MYBPC2: variants seen among roughly 807,000 people sequenced by gnomAD.
MYBPC2 encodes the protein myosin binding protein C2, also known as myosin-binding protein C, fast-type.
MYBPC2 carries 122 observed loss-of-function variants against 137.0 expected under a neutral mutation model. That is an observed-to-expected ratio of 0.89 (90% confidence interval 0.77 to 1.03). The LOEUF is 1.03. Among genes scored for constraint, MYBPC2 ranks in the 50% least tolerant of loss-of-function variants. The pLI is 0.00. For synonymous variants in MYBPC2, 626 were observed against 612.3 expected (o/e 1.02, Z -0.33); for missense variants, 1,500 against 1,534.4 (o/e 0.98, Z 0.37).
chr19:50,443,371 T>C (rs1438385820), intron 9 of MYBPC2, 123 bp from the exon 10 acceptor site: 1 of 1,227,330 alleles, frequency 8.1e-7, no homozygotes, highest in East Asian at 2.5e-5. Context: ...CCTCAATCCC[T>C]TTCCACACAA....
At position 50,455,291 on chromosome 19, in the gene MYBPC2, C is replaced by T; in HGVS notation, c.2198C>T (p.Pro733Leu). Residue 733 changes from proline (P) to leucine (L), a missense_variant, in exon 19 of 28, where the codon CCT becomes CTT. By Grantham distance (98) the Pro-to-Leu change is moderately conservative. Transcript: ENST00000357701. ...QPSMNTKPFM[P>L]IAPTSEPLHL... is the part of the protein sequence containing the mutation. ...AGCATGAACACCAAGCCTTTTATGC[C>T]TATTGGTAATGTCCTCCCTCACTTT... The T allele has an allele frequency of 6.2e-7, 1 of 1,612,948 alleles. No homozygotes were observed. The highest frequency in any genetic ancestry group is 8.5e-7 in the Non-Finnish European group (1 of 1,179,124).
chr19:50,443,587 TGAG>T lies in MYBPC2; in HGVS notation c.997_999del (p.Glu333del), dbSNP rs754480469. On this transcript the variant is annotated inframe_deletion, in exon 10 of 28. Transcript: ENST00000357701. ...CTGCCTATGAAGTAGCTGTCAAGGA[TGAG>T]AAGTGTTTCACCGAGCTCTTCGTCA... 5 of 1,613,058 alleles carry T rather than the reference TGAG, an allele frequency of 3.1e-6. No homozygotes were observed. The highest frequency in any genetic ancestry group is 4.2e-6 in the Non-Finnish European group (5 of 1,179,318).
Position 50,437,485 on chromosome 19 carries a change from A to T in MYBPC2, c.476A>T (p.Asp159Val), listed in dbSNP as rs2039714396. The T allele has an allele frequency of 2.5e-6, 4 of 1,610,952 alleles. No homozygotes were observed. Among genetic ancestry groups the T allele is most frequent in the Non-Finnish European group, 3.4e-6 (4 of 1,178,774 alleles). The change falls in exon 6 of 28, where the codon GAT becomes GTT. Residue 159 changes from aspartate to valine, a missense_variant. Asp to Val is a radical substitution (Grantham distance 152). Coordinates refer to ENST00000357701, the MANE Select transcript of MYBPC2 (RefSeq NM_004533.4). The stretch of plus-strand genomic sequence containing the variant: ...CACCTCTCCCCAGCACCCCGTCAGG[A>T]TGCCTCTGGGCAGAGTCTAGAAAGC... ...FNIDVEAPRQDASGQSLESFK... is the reference protein window; with the variant it reads ...FNIDVEAPRQVASGQSLESFK...
Position 50,443,595 on chromosome 19 carries a change from G to A in MYBPC2, c.1004G>A (p.Cys335Tyr), listed in dbSNP as rs1330620883. The change falls in exon 10 of 28, where the codon TGT becomes TAT. Residue 335 changes from cysteine (C) to tyrosine (Y), a missense_variant. Coordinates refer to ENST00000357701, the MANE Select transcript of MYBPC2 (RefSeq NM_004533.4). ...GAAGTAGCTGTCAAGGATGAGAAGT[G>A]TTTCACCGAGCTCTTCGTCAAAGGT... Reference protein sequence around the residue: ...AYEVAVKDEKCFTELFVKEPP... With the variant: ...AYEVAVKDEKYFTELFVKEPP... The A allele has an allele frequency of 6.2e-7, 1 of 1,613,474 alleles. No homozygotes were observed. The highest frequency in any genetic ancestry group is 8.5e-7 in the Non-Finnish European group (1 of 1,179,616).
At position 50,440,619 on chromosome 19, in the gene MYBPC2, C is replaced by T. The variant is rs10427046; in HGVS notation, c.573-261C>T. ...TGGAGGTTGTAGTGAGCCGAGATCA[C>T]GCCACTGCACTCCAGCCTGGGAGAC... On this transcript the variant is annotated intron_variant, in intron 7 of 27. Coordinates refer to ENST00000357701, the MANE Select transcript of MYBPC2 (RefSeq NM_004533.4). 7.2e-3 allele frequency among the ~76,000 whole-genome samples: 1,078 copies of T among 149,564 alleles called. 13 individuals carry two copies. The highest frequency in any genetic ancestry group is 0.025 in the African/African-American group (1,012 of 40,590).
chr19:50,444,263 CATCT>C (rs765197554), intron 11 of MYBPC2, among the ~76,000 whole-genome samples: 187 of 149,824 alleles, frequency 1.2e-3, no homozygotes, highest in Admixed American at 3.3e-3. Flanking sequence ...ACCATCCATC[CATCT>C]ACTTAACCAT....
At chr19:50,460,632 C>T (rs896530279) in intron 24 of MYBPC2, among the ~76,000 whole-genome samples, 7 of 152,208 alleles carry the variant, frequency 4.6e-5, no homozygotes, top group African/African-American at 1.7e-4. Flanking sequence ...TTTGTTAGCT[C>T]AGCACAACGT....
chr19:50,463,443 C>T (rs2039987894), intron 26 of MYBPC2, among the ~76,000 whole-genome samples: 1 of 152,294 alleles, frequency 6.6e-6, no homozygotes, highest in East Asian at 1.9e-4. Context: ...ACCTACCAAT[C>T]CATCCATTTA....
chr19:50,448,299 G>C lies in MYBPC2; in HGVS notation c.1381G>C (p.Glu461Gln). Residue 461 changes from glutamate (E) to glutamine (Q), a missense_variant, in exon 13 of 28, where the codon GAG becomes CAG. Transcript: ENST00000357701. The part of the protein sequence containing the change: ...KASEQAVFKC[E>Q]VSDEKVTGKW... ...CTCAGAACAAGCTGTGTTCAAGTGCGAGGTGTCTGATGAGAAAGTGACGGG... is the reference window on the plus strand; with the variant it reads ...CTCAGAACAAGCTGTGTTCAAGTGCCAGGTGTCTGATGAGAAAGTGACGGG... 1 of 1,613,864 alleles carries C rather than the reference G, an allele frequency of 6.2e-7. No individual in the cohort carries two copies.
intron 12 of MYBPC2, 24 bp downstream of exon 12, chr19:50,446,076 C>T (rs369656617): frequency 1.6e-5 from 25 of 1,606,732 alleles, no homozygotes; most frequent in African/African-American, 1.2e-4. Flanking sequence ...AGGTAGGGCA[C>T]GGGCTGCACT....
chr19:50,445,738 A>G (rs1036977951), intron 11 of MYBPC2, 142 bp from the exon 12 acceptor site: 2 of 804,584 alleles, frequency 2.5e-6, no homozygotes, highest in Non-Finnish European at 3.9e-6. Context: ...ACCACTCAAG[A>G]TGCCTCTGCC....
At position 50,442,839 on chromosome 19, in the gene MYBPC2, A is replaced by T. The variant is rs193077964; in HGVS notation, c.902+526A>T. ...GTTGCCCAGGCTGGAGTGCAATGGCATGATCTCAGTTCACTGCAACCTCTG... is the reference window on the plus strand; with the variant it reads ...GTTGCCCAGGCTGGAGTGCAATGGCTTGATCTCAGTTCACTGCAACCTCTG... On this transcript the variant is annotated intron_variant, in intron 9 of 27. Coordinates refer to ENST00000357701, the MANE Select transcript of MYBPC2 (RefSeq NM_004533.4). Among the ~76,000 whole-genome samples, 11 of 151,556 alleles carry T rather than the reference A, an allele frequency of 7.3e-5. No individual in the cohort carries two copies. The East Asian group carries it at 2.0e-3, about 27-fold the overall frequency.
chr19:50,466,277 G>GTTCT lies in MYBPC2; in HGVS notation c.*77_*80dup. ...CCAATCCCCAACCTCCCAGGACTGT[G>GTTCT]TTCTTTCTGGAGTTTTCGCTGAGAA... On this transcript the variant is annotated 3_prime_UTR_variant, in exon 28 of 28. Transcript: ENST00000357701. The surrounding 1 kb of genome is among the most constrained non-coding windows in gnomAD (Gnocchi z 4.9). The GTTCT allele has an allele frequency of 1.2e-6, 2 of 1,601,710 alleles. No homozygotes were observed. Among genetic ancestry groups the GTTCT allele is most frequent in the Non-Finnish European group, 1.7e-6 (2 of 1,169,804 alleles).
intron 24 of MYBPC2, among the ~76,000 whole-genome samples, chr19:50,460,847 G>T (rs780746915): frequency 6.6e-6 from 1 of 151,192 alleles, no homozygotes; most frequent in African/African-American, 2.4e-5. Context: ...ATACAGGCAC[G>T]TGCCACCACA....
rs899686493 is a variant in MYBPC2 at position 50,450,984 on chromosome 19, G to T, written c.1579+49G>T. 4.0e-6 allele frequency: 6 copies of T among 1,496,958 alleles called. No homozygotes were observed. The East Asian group carries it at 1.5e-4, about 37-fold the overall frequency. The allele number at this position is 1,496,958 out of a possible 1,614,324, so 92.7% of individuals were successfully genotyped here. A position where few individuals can be genotyped will look rare whatever the true frequency, so the allele number is the denominator to read the frequency against. On this transcript the variant is annotated intron_variant, in intron 14 of 27. Transcript: ENST00000357701. ...CCTGGGGGCTGTAGGATCCACCCTCGCAGACCCAGGGCCCGGGATGTCCCT... is the reference window on the plus strand; with the variant it reads ...CCTGGGGGCTGTAGGATCCACCCTCTCAGACCCAGGGCCCGGGATGTCCCT...
intron 9 of MYBPC2, 108 bp downstream of exon 9, chr19:50,442,421 A>G: frequency 2.1e-6 from 3 of 1,456,390 alleles, no homozygotes; most frequent in South Asian, 1.3e-5. Context: ...TCACCCCTAT[A>G]TGAAGAGTAC....
intron 13 of MYBPC2, 141 bp downstream of exon 13, chr19:50,448,531 C>T (rs77008217): frequency 0.056 from 63,531 of 1,142,198 alleles, 2,390 homozygotes; most frequent in East Asian, 0.13. Context: ...TGCAATGGCG[C>T]GATCTCAGCT....
chr19:50,439,576 A>G (rs1248835787), intron 7 of MYBPC2, among the ~76,000 whole-genome samples: 1 of 132,228 alleles, frequency 7.6e-6, no homozygotes, highest in Non-Finnish European at 1.6e-5. Context: ...TCACCCATCA[A>G]CCATCTTCTG....
In MYBPC2 at chr19:50,455,653, C is replaced by A. The variant is rs757497982; in HGVS notation, c.2338+9C>A. ...GTACTGCCTGGAAGGCTGTGAGTGA[C>A]CCTGGCAGGGCTGGTGGGGGTGGTG... On this transcript the variant is annotated intron_variant, in intron 20 of 27. Transcript: ENST00000357701. 6.2e-7 allele frequency: 1 copy of A among 1,612,990 alleles called. No individual in the cohort carries two copies.
Sources: allele counts gnomAD v4.1 joint callset (sites outside exome capture counted in the v4.1 genomes callset), GRCh38; gene constraint gnomAD v4.1.1; non-coding constraint Gnocchi (gnomAD v3.1); transcripts MANE v1.5; gene names NCBI Gene and HGNC (gene_info 2026-07-23, HGNC 2026-07-21).